Variants in PTPRJ observed in about 807,000 individuals in gnomAD.
PTPRJ encodes receptor-type tyrosine-protein phosphatase eta.
Under a neutral mutation model 141.3 loss-of-function variants are expected in PTPRJ, and 129 were observed. That is an observed-to-expected ratio of 0.91 (90% CI 0.79 to 1.06). PTPRJ has a LOEUF of 1.06. PTPRJ is among the 50% of genes least tolerant of loss of function. PTPRJ has a pLI of 0.00. For missense variants in PTPRJ, 1,601 were observed against 1,679.7 expected, an observed-to-expected ratio of 0.95 and a Z score of 0.82; for synonymous variants, 610 against 640.5, an observed-to-expected ratio of 0.95 and a Z score of 0.72.
chr11:48,146,314 C>A (rs1167240886), intron 14 of PTPRJ, among the ~76,000 whole-genome samples: 1 of 152,188 alleles, frequency 6.6e-6, no homozygotes, highest in Non-Finnish European at 1.5e-5. Context: ...AGGGGTGCAT[C>A]CCCTACCTTC....
intron 1 of PTPRJ, among the ~76,000 whole-genome samples, chr11:48,055,789 C>T (rs1854737324): frequency 6.6e-6 from 1 of 152,204 alleles, no homozygotes; most frequent in Non-Finnish European, 1.5e-5. Flanking sequence ...ACCTCAGGAT[C>T]CAGCAGGACG....
At position 48,081,094 on chromosome 11, in the gene PTPRJ, C is replaced by T. The variant is rs566853046; in HGVS notation, c.97-28964C>T. ...GTGGGACCCCAGAATCTGAATTTCC[C>T]GGAAGCGCCCAGGTGTTTCTGATGC... is the stretch of plus-strand genomic sequence containing the variant. On this transcript the variant is annotated intron_variant, in intron 1 of 24. Transcript: ENST00000418331. Among the ~76,000 whole-genome samples, 52 of 152,236 alleles carry T rather than the reference C, an allele frequency of 3.4e-4. 1 individual carries two copies. The highest frequency in any genetic ancestry group is 3.2e-3 in the Middle Eastern group (1 of 316).
chr11:48,042,063 C>T (rs997193854), intron 1 of PTPRJ, among the ~76,000 whole-genome samples: 1 of 151,966 alleles, frequency 6.6e-6, no homozygotes, highest in Non-Finnish European at 1.5e-5. Context: ...ACGAAGGCCA[C>T]GGTGTACTTG....
At chr11:48,145,257 GT>G in intron 14 of PTPRJ, 133 bp downstream of exon 14, 1 of 1,281,456 alleles carries the variant, frequency 7.8e-7, no homozygotes, top group Non-Finnish European at 1.1e-6. Context: ...CCTCCCAGAG[GT>G]TGAGATGTCA....
At chr11:48,131,241 C>G (rs1220319773) in intron 8 of PTPRJ, among the ~76,000 whole-genome samples, 1 of 151,728 alleles carries the variant, frequency 6.6e-6, no homozygotes. Flanking sequence ...CACCACCATG[C>G]CTGGCTAATT....
rs61739249 is a variant in PTPRJ, at chr11:48,128,038, A to G, written c.1352A>G (p.His451Arg). The change falls in exon 7 of 25, where the codon CAC becomes CGC. Residue 451 changes from histidine (H) to arginine (R), a missense_variant. Transcript: ENST00000418331. ...IEGTPGFLQVHTPPVPVSDFR... is the reference protein window; with the variant it reads ...IEGTPGFLQVRTPPVPVSDFR... ...GGCACGCCGGGCTTCCTCCAAGTGCACACCCGTGAGTTCATGCCTGGCTCT... is the reference window on the plus strand; with the variant it reads ...GGCACGCCGGGCTTCCTCCAAGTGCGCACCCGTGAGTTCATGCCTGGCTCT... 1.2e-3 allele frequency: 1,965 copies of G among 1,612,494 alleles called. 30 individuals are homozygous for G. The African/African-American group carries it at 0.024, about 19-fold the overall frequency.
At chr11:48,037,493 A>G (rs1166362314) in intron 1 of PTPRJ, among the ~76,000 whole-genome samples, 1 of 152,154 alleles carries the variant, frequency 6.6e-6, no homozygotes, top group African/African-American at 2.4e-5. Flanking sequence ...TAAGCAGCAT[A>G]TGGAATGTTG....
chr11:48,008,302 C>G (rs1235005393), intron 1 of PTPRJ, among the ~76,000 whole-genome samples: 2 of 152,208 alleles, frequency 1.3e-5, no homozygotes, highest in African/African-American at 4.8e-5. Context: ...GCTCTGTGGC[C>G]CAGGCTGGAG....
At chr11:48,071,815 G>C (rs1855264595) in intron 1 of PTPRJ, among the ~76,000 whole-genome samples, 1 of 149,862 alleles carries the variant, frequency 6.7e-6, no homozygotes, top group Non-Finnish European at 1.5e-5. Context: ...TGTTGTCCAG[G>C]ATGGTCTCGA....
intron 1 of PTPRJ, among the ~76,000 whole-genome samples, chr11:48,106,763 C>CTTTTTTTTTTTTTTTTTTTTT (rs35643138): frequency 3.5e-5 from 3 of 86,448 alleles, no homozygotes; most frequent in Non-Finnish European, 6.9e-5. Context: ...TTCTTTCTTT[C>CTTTTTTTTTTTTTTTTTTTTT]TTTTTTTTTT....
At chr11:48,036,761 A>C (rs1113480) in intron 1 of PTPRJ, among the ~76,000 whole-genome samples, 65,365 of 152,118 alleles carry the variant, frequency 0.43, 19,017 homozygotes, top group African/African-American at 0.84. Context: ...AGCGCTCTTT[A>C]TACTGATGTG....
At chr11:48,082,867 C>T (rs1315217307) in intron 1 of PTPRJ, among the ~76,000 whole-genome samples, 2 of 152,060 alleles carry the variant, frequency 1.3e-5, no homozygotes, top group Non-Finnish European at 2.9e-5. Flanking sequence ...TAGTATCTAC[C>T]CTCCAGGAGT....
At chr11:48,103,173 G>C (rs1481094559) in intron 1 of PTPRJ, among the ~76,000 whole-genome samples, 2 of 152,184 alleles carry the variant, frequency 1.3e-5, no homozygotes, top group South Asian at 2.1e-4. Context: ...AATGAGAGCA[G>C]TTGCTCAGGA....
intron 1 of PTPRJ, among the ~76,000 whole-genome samples, chr11:48,060,307 A>G (rs749506564): frequency 5.3e-5 from 8 of 152,240 alleles, no homozygotes; most frequent in Non-Finnish European, 1.2e-4. Flanking sequence ...TTAGCCAGGA[A>G]GCAAACTCCA....
chr11:48,109,052 G>A (rs1439776024), intron 1 of PTPRJ, among the ~76,000 whole-genome samples: 1 of 152,116 alleles, frequency 6.6e-6, no homozygotes. Context: ...AGGAGGTGGC[G>A]TTTTGGGCAG....
At chr11:48,130,833 A>G in intron 8 of PTPRJ, 117 bp downstream of exon 8, 1 of 1,176,836 alleles carries the variant, frequency 8.5e-7, no homozygotes, top group Non-Finnish European at 1.1e-6. Context: ...AAAAAACTTT[A>G]AAAATTTTCA....
At chr11:48,029,774 A>G (rs535693190) in intron 1 of PTPRJ, among the ~76,000 whole-genome samples, 2 of 152,366 alleles carry the variant, frequency 1.3e-5, no homozygotes, top group South Asian at 2.1e-4. Context: ...CCTCAAGGCT[A>G]TAGTGGGTCG....
intron 1 of PTPRJ, among the ~76,000 whole-genome samples, chr11:48,026,563 C>T (rs1413994637): frequency 1.3e-5 from 2 of 151,674 alleles, no homozygotes; most frequent in African/African-American, 4.9e-5. Flanking sequence ...CTCACCGCAA[C>T]CTCTGCCTCC....
rs59987198 is a variant in PTPRJ at position 48,051,084 on chromosome 11, C to CTT, written c.97-58946_97-58945dup. 7.3e-3 allele frequency among the ~76,000 whole-genome samples: 582 copies of CTT among 79,306 alleles called. 139 individuals are homozygous for CTT. The highest frequency in any genetic ancestry group is 0.023 in the African/African-American group (389 of 17,064). 52.0% of individuals were successfully genotyped at this position (79,306 alleles called of 152,430 possible). A position where few individuals can be genotyped will look rare whatever the true frequency, so the allele number is the denominator to read the frequency against. ...GAGGTGATAGCCAGTTAACTGATGA[C>CTT]TTTTTTTTTTTTTTTTTTTTTTTTT... On this transcript the variant is annotated intron_variant, in intron 1 of 24. Coordinates refer to ENST00000418331, the MANE Select transcript of PTPRJ (RefSeq NM_002843.4).
Sources: gnomAD v4.1 joint callset for allele counts (sites outside exome capture counted in the v4.1 genomes callset) on GRCh38, gnomAD v4.1.1 for gene constraint, MANE v1.5 for transcripts, NCBI Gene and HGNC (gene_info 2026-07-23, HGNC 2026-07-21) for gene names.